CTBP2: variants seen among roughly 807,000 people sequenced by gnomAD.
CTBP2 encodes the protein C-terminal-binding protein 2.
Under a neutral mutation model 80.3 loss-of-function variants are expected in CTBP2, and 30 were observed. That is an observed-to-expected ratio of 0.37 (90% CI 0.28 to 0.51). The LOEUF (loss-of-function observed/expected upper bound fraction) is 0.51, where lower values mean the gene tolerates loss of function less well. Ranked by LOEUF, CTBP2 falls within the 20% of genes least tolerant of loss-of-function variation. CTBP2 has a pLI of 0.93. For missense variants in CTBP2, 1,212 were observed against 1,375.3 expected (o/e 0.88, Z 1.88); for synonymous variants, 594 against 587.4 (o/e 1.01, Z -0.16).
chr10:125,033,569 T>C (rs1958496023), intron 3 of CTBP2, among the ~76,000 whole-genome samples: 1 of 152,210 alleles, frequency 6.6e-6, no homozygotes, highest in African/African-American at 2.4e-5. Context: ...TAGGTTGAGC[T>C]GTGTGAAGCG....
At chr10:124,994,964 A>G (rs1953268810) in intron 4 of CTBP2, among the ~76,000 whole-genome samples, 1 of 152,200 alleles carries the variant, frequency 6.6e-6, no homozygotes, top group Non-Finnish European at 1.5e-5. Flanking sequence ...TGTTATTGAC[A>G]TTTTCAAACA....
rs555688470 is a variant in CTBP2 at position 125,116,854 on chromosome 10, G to A, written c.-205-5761C>T. ...AGGGCAGCGGTCAAGGAAAAGCCTCGGGCAAAATCTTGTCAAGAAGCCAAA... is the reference window on the plus strand; with the variant it reads ...AGGGCAGCGGTCAAGGAAAAGCCTCAGGCAAAATCTTGTCAAGAAGCCAAA... On this transcript the variant is annotated intron_variant, in intron 1 of 10. Coordinates refer to the CTBP2 transcript ENST00000337195. Among the ~76,000 whole-genome samples the A allele has an allele frequency of 6.6e-5, 10 of 152,320 alleles. No homozygotes were observed. The South Asian group carries it at 8.3e-4, about 13-fold the overall frequency.
intron 1 of CTBP2, among the ~76,000 whole-genome samples, chr10:125,011,915 T>G (rs115312828): frequency 0.016 from 2,371 of 152,308 alleles, 57 homozygotes; most frequent in African/African-American, 0.054. Flanking sequence ...GTGTTCAGGC[T>G]CCGTCACCTT....
At chr10:125,159,648 G>T (rs1017219290) in intron 1 of CTBP2, among the ~76,000 whole-genome samples, 32 of 150,162 alleles carry the variant, frequency 2.1e-4, no homozygotes, top group African/African-American at 7.5e-4. Context: ...GGCAGGGGCA[G>T]CGCCCCTGGG....
At chr10:125,019,143 A>T (rs567235985) in intron 1 of CTBP2, among the ~76,000 whole-genome samples, 1 of 151,996 alleles carries the variant, frequency 6.6e-6, no homozygotes, top group East Asian at 1.9e-4. Flanking sequence ...TGGAGGGGGC[A>T]AGAAAAGTGA....
At chr10:125,030,409 A>C (rs1958055370), upstream of CTBP2, among the ~76,000 whole-genome samples, 1 of 152,230 alleles carries the variant, frequency 6.6e-6, no homozygotes, top group African/African-American at 2.4e-5. Context: ...ACAAGGTGTC[A>C]ATTAACAACA....
At chr10:125,032,295 T>C (rs528453744), upstream of CTBP2, among the ~76,000 whole-genome samples, 17 of 152,306 alleles carry the variant, frequency 1.1e-4, no homozygotes, top group South Asian at 4.1e-4. Context: ...TTCTGCTCTT[T>C]AGCAGCTTTT....
At chr10:125,077,482 A>C (rs1846447220) in intron 2 of CTBP2, among the ~76,000 whole-genome samples, 1 of 152,128 alleles carries the variant, frequency 6.6e-6, no homozygotes. Flanking sequence ...ATCTGGCTCC[A>C]AACTCCCCGG....
intron 2 of CTBP2, among the ~76,000 whole-genome samples, chr10:125,078,985 A>AT (rs72242953): frequency 1.1e-4 from 5 of 45,318 alleles, no homozygotes; most frequent in African/African-American, 3.1e-4. Context: ...CTAAAAATAC[A>AT]AAAAAAAAAA....
chr10:125,144,803 C>T (rs1023740802), intron 1 of CTBP2, among the ~76,000 whole-genome samples: 8 of 152,228 alleles, frequency 5.3e-5, no homozygotes, highest in African/African-American at 1.7e-4. Flanking sequence ...GTGTGCTTCA[C>T]TGAGCAGTTC....
At chr10:125,150,575 ACT>A (rs1247961819) in intron 1 of CTBP2, among the ~76,000 whole-genome samples, 1 of 151,950 alleles carries the variant, frequency 6.6e-6, no homozygotes, top group Non-Finnish European at 1.5e-5. Flanking sequence ...GTTGGTAGTA[ACT>A]AGCCAGACTT....
At chr10:125,022,441 G>A (rs559862148) in intron 1 of CTBP2, among the ~76,000 whole-genome samples, 1 of 152,350 alleles carries the variant, frequency 6.6e-6, no homozygotes, top group African/African-American at 2.4e-5. Context: ...CAGGGGACAG[G>A]TCAATGAGGA....
chr10:125,147,742 C>T (rs1859047143), intron 1 of CTBP2, among the ~76,000 whole-genome samples: 1 of 152,080 alleles, frequency 6.6e-6, no homozygotes, highest in Non-Finnish European at 1.5e-5. Context: ...ACAAAAAATA[C>T]AGAAACTAGC....
At chr10:124,990,077 T>C (rs1952396565) in intron 8 of CTBP2, among the ~76,000 whole-genome samples, 1 of 149,704 alleles carries the variant, frequency 6.7e-6, no homozygotes, top group Non-Finnish European at 1.5e-5. Context: ...AGTCTCACTC[T>C]GTCGCCAGTC....
At position 125,082,131 on chromosome 10, in the gene CTBP2, G is replaced by A. The variant is rs541974545; in HGVS notation, c.-102+28859C>T. ...CAAAGCTTGGCGTGCCCTCCCTGAT[G>A]GCCCAAGGTCAGGGCTGGCCACGCC... is the stretch of plus-strand genomic sequence containing the variant. On this transcript the variant is annotated intron_variant, in intron 2 of 10. Coordinates refer to the CTBP2 transcript ENST00000337195. 3.3e-5 allele frequency among the ~76,000 whole-genome samples: 5 copies of A among 152,366 alleles called. No homozygotes were observed. The South Asian group carries it at 8.3e-4, about 25-fold the overall frequency.
intron 3 of CTBP2, among the ~76,000 whole-genome samples, chr10:125,034,840 C>T (rs760302328): frequency 6.6e-6 from 1 of 152,152 alleles, no homozygotes; most frequent in African/African-American, 2.4e-5. Flanking sequence ...GTTCTTTCCT[C>T]GGGGAAAGAG....
rs538629466 is a variant in CTBP2, at chr10:125,142,524, C to G, written c.-206+17795G>C. On this transcript the variant is annotated intron_variant, in intron 1 of 10. Coordinates refer to the CTBP2 transcript ENST00000337195. ...CCATAGGAGCACAGAGAACTTTCCT[C>G]GGTGATGGGATGGTTCCGCAACCAC... 3.3e-5 allele frequency among the ~76,000 whole-genome samples: 5 copies of G among 152,262 alleles called. No individual in the cohort carries two copies. In the South Asian group the frequency reaches 1.0e-3, roughly 32 times the overall value.
At chr10:125,126,054 T>C (rs1439624420) in intron 1 of CTBP2, among the ~76,000 whole-genome samples, 1 of 152,162 alleles carries the variant, frequency 6.6e-6, no homozygotes, top group Non-Finnish European at 1.5e-5. Context: ...TGGACTGAGG[T>C]TGCGGGAAGG....
At chr10:125,036,997 C>T (rs1425178207) in intron 3 of CTBP2, among the ~76,000 whole-genome samples, 4 of 152,162 alleles carry the variant, frequency 2.6e-5, no homozygotes, top group Non-Finnish European at 2.9e-5. Context: ...AGGGAGCTGA[C>T]ATATAGATGG....
Sources: allele counts gnomAD v4.1 joint callset (sites outside exome capture counted in the v4.1 genomes callset), GRCh38; gene constraint gnomAD v4.1.1; transcripts MANE v1.5; gene names NCBI Gene and HGNC (gene_info 2026-07-23, HGNC 2026-07-21).